MKNK2: variants seen among roughly 807,000 people sequenced by gnomAD.
MKNK2 encodes the protein MAP kinase-interacting serine/threonine-protein kinase 2.
A neutral mutation model predicts 55.0 loss-of-function variants in MKNK2; 54 were observed. The observed-to-expected ratio is 0.98, with a 90% CI of 0.79 to 1.23. The LOEUF (loss-of-function observed/expected upper bound fraction) is 1.23. Among genes scored for constraint, MKNK2 ranks in the 50% most tolerant of loss-of-function variants. MKNK2 has a pLI of 0.00. For missense variants in MKNK2, 685 were observed against 632.1 expected (o/e 1.08, Z -0.90); for synonymous variants, 323 against 256.0 (o/e 1.26, Z -2.50).
rs533287196 is a variant in MKNK2 at position 2,038,908 on chromosome 19, G to A, written c.*705C>T. On this transcript the variant is annotated 3_prime_UTR_variant, in exon 14 of 14. Coordinates refer to ENST00000250896, the MANE Select transcript of MKNK2 (RefSeq NM_199054.3). ...GCTGCAGTTTAAGGTCAAGGTCGGAGGCCGAATCTGGCCACCAGGAGTCCT... is the reference window on the plus strand; with the variant it reads ...GCTGCAGTTTAAGGTCAAGGTCGGAAGCCGAATCTGGCCACCAGGAGTCCT... The A allele has an allele frequency of 2.0e-6, 2 of 985,604 alleles. No individual in the cohort carries two copies. The highest frequency in any genetic ancestry group is 9.4e-5 in the South Asian group (2 of 21,294). 61.1% of individuals were successfully genotyped at this position (985,604 alleles called of 1,614,324 possible). A position where few individuals can be genotyped will look rare whatever the true frequency, so the allele number is the denominator to read the frequency against.
intron 5 of MKNK2, 147 bp from the exon 6 acceptor site, chr19:2,043,729 A>G (rs2016941901): frequency 1.3e-6 from 1 of 750,784 alleles, no homozygotes; most frequent in African/African-American, 1.7e-5. Context: ...TCATCCCAGC[A>G]CTTTGGGAGG....
At chr19:2,041,790 G>A in intron 11 of MKNK2, 50 bp downstream of exon 11, 2 of 1,442,164 alleles carry the variant, frequency 1.4e-6, no homozygotes. Flanking sequence ...TTCAGGGCAG[G>A]CCCGGGGGAG....
At chr19:2,050,613 C>T (rs773202379) in intron 2 of MKNK2, among the ~76,000 whole-genome samples, 188 bp downstream of exon 2, 2 of 152,180 alleles carry the variant, frequency 1.3e-5, no homozygotes, top group Non-Finnish European at 2.9e-5. Flanking sequence ...AGGACTGTGG[C>T]CTGCTGAACC....
At chr19:2,042,273 C>G in intron 10 of MKNK2, 154 bp downstream of exon 10, 2 of 795,498 alleles carry the variant, frequency 2.5e-6, no homozygotes, top group South Asian at 1.8e-5. Flanking sequence ...CTGCTCGAGG[C>G]CCCGCCGCGA....
At position 2,046,404 on chromosome 19, in the gene MKNK2, G is replaced by T. The variant is rs34916924; in HGVS notation, c.204C>A (p.Arg68=). ...DAKKRGKKKK[R]GRATDSFSGR... ...CCGAGAAGCTGTCGGTGGCCCGGCC[G>T]CGCTTCTTCTTCTTGCCCCTCTTCT... Residue 68 remains arginine (R), a synonymous_variant, in exon 4 of 14, where the codon CGC becomes CGA. Transcript: ENST00000250896. 8 of 1,608,822 alleles carry T rather than the reference G, an allele frequency of 5.0e-6. No individual in the cohort carries two copies. Among genetic ancestry groups the T allele is most frequent in the Non-Finnish European group, 5.9e-6 (7 of 1,179,830 alleles).
At position 2,046,676 on chromosome 19, in the gene MKNK2, C is replaced by T. The variant is rs776453612; in HGVS notation, c.67G>A (p.Glu23Lys). 3.3e-6 allele frequency: 5 copies of T among 1,533,798 alleles called. No individual in the cohort carries two copies. The highest frequency in any genetic ancestry group is 2.4e-5 in the East Asian group (1 of 42,352). ...GGCTGGTCTAGGGAGAAGGCCAGCTCGAAGGGGTTCTGCCCCTGCAGGGGA... is the reference window on the plus strand; with the variant it reads ...GGCTGGTCTAGGGAGAAGGCCAGCTTGAAGGGGTTCTGCCCCTGCAGGGGA... ...HRSFKGQNPFELAFSLDQPDH... is the reference protein window; with the variant it reads ...HRSFKGQNPFKLAFSLDQPDH... Residue 23 changes from glutamate to lysine, a missense_variant, in exon 3 of 14, where the codon GAG becomes AAG. By Grantham distance (56) the Glu-to-Lys change is moderately conservative. Coordinates refer to ENST00000250896, the MANE Select transcript of MKNK2 (RefSeq NM_199054.3).
In MKNK2 at chr19:2,037,994, G is replaced by A. The variant is rs975910338; in HGVS notation, c.*1619C>T. 134 of 1,370,120 alleles carry A rather than the reference G, an allele frequency of 9.8e-5. 1 individual carries two copies. In the East Asian group the frequency reaches 1.1e-3, roughly 11 times the overall value. 84.9% of individuals were successfully genotyped at this position (1,370,120 alleles called of 1,614,324 possible). On this transcript the variant is annotated 3_prime_UTR_variant, in exon 14 of 14. Transcript: ENST00000250896. Reference sequence around the variant, plus strand: ...ACGAAACATGGAATCACTGACAGGCGAGAAGTGATGGGGGAAAGGGGTGGG... The same window carrying A: ...ACGAAACATGGAATCACTGACAGGCAAGAAGTGATGGGGGAAAGGGGTGGG...
intron 9 of MKNK2, 33 bp from the exon 10 acceptor site, chr19:2,042,555 G>A (rs774514246): frequency 1.3e-6 from 2 of 1,577,740 alleles, no homozygotes. Context: ...TGAGCCTGGG[G>A]TCCCACGCGG....
chr19:2,038,578 G>C lies in MKNK2; in HGVS notation c.*1035C>G. ...GTGGCAGACCAAAAACACTGCCCTG[G>C]GGGTGAGGATTCGGCCAGACCCCGG... is the stretch of plus-strand genomic sequence containing the variant. On this transcript the variant is annotated 3_prime_UTR_variant, in exon 14 of 14. Coordinates refer to ENST00000250896, the MANE Select transcript of MKNK2 (RefSeq NM_199054.3). 1.0e-6 allele frequency: 1 copy of C among 985,522 alleles called. No homozygotes were observed. Among genetic ancestry groups the C allele is most frequent in the African/African-American group, 1.7e-5 (1 of 57,314 alleles). The allele number at this position is 985,522 out of a possible 1,614,324, so 61.0% of individuals were successfully genotyped here. A position where few individuals can be genotyped will look rare whatever the true frequency, so the allele number is the denominator to read the frequency against.
intron 1 of MKNK2, 66 bp downstream of exon 1, chr19:2,051,030 C>T: frequency 2.7e-6 from 1 of 374,792 alleles, no homozygotes; most frequent in Non-Finnish European, 4.7e-6. Flanking sequence ...GCGGCGAGGG[C>T]TCCGCGGGGC....
chr19:2,042,431 G>C lies in MKNK2; in HGVS notation c.746C>G (p.Thr249Ser). 1 of 1,575,936 alleles carries C rather than the reference G, an allele frequency of 6.3e-7. No individual in the cohort carries two copies. Among genetic ancestry groups the C allele is most frequent in the South Asian group, 1.2e-5 (1 of 85,706 alleles). Reference sequence around the variant, plus strand: ...GCCCTCCCCGCGGGCCCTCACCGGAGTGAGCAGCTCCGGGGTGGAGATAGG... The same window carrying C: ...GCCCTCCCCGCGGGCCCTCACCGGACTGAGCAGCTCCGGGGTGGAGATAGG... ...CSPISTPELL[T>S]PCGSAEYMAP... The change falls in exon 10 of 14, where the codon ACT becomes AGT. Residue 249 changes from threonine (T) to serine (S), a missense_variant. Coordinates refer to ENST00000250896, the MANE Select transcript of MKNK2 (RefSeq NM_199054.3).
In MKNK2 at chr19:2,039,860, G is replaced by C. The variant is rs2016837781; in HGVS notation, c.1155-4C>G. 2 of 1,589,032 alleles carry C rather than the reference G, an allele frequency of 1.3e-6. No individual in the cohort carries two copies. The highest frequency in any genetic ancestry group is 2.7e-5 in the African/African-American group (2 of 74,704). On this transcript the variant is annotated splice_region_variant and splice_polypyrimidine_tract_variant and intron_variant, in intron 13 of 13. Coordinates refer to ENST00000250896, the MANE Select transcript of MKNK2 (RefSeq NM_199054.3). Reference sequence around the variant, plus strand: ...GAGGTCTTTGGCACAGCTGTTCCTGGGAAACGGGGTGGGGGTAGGTGGTCA... The same window carrying C: ...GAGGTCTTTGGCACAGCTGTTCCTGCGAAACGGGGTGGGGGTAGGTGGTCA...
At position 2,042,780 on chromosome 19, in the gene MKNK2, A is replaced by C; in HGVS notation, c.584T>G (p.Phe195Cys). 1.3e-6 allele frequency: 2 copies of C among 1,577,982 alleles called. No individual in the cohort carries two copies. Among genetic ancestry groups the C allele is most frequent in the Non-Finnish European group, 1.7e-6 (2 of 1,160,432 alleles). ...TCACCACCTACCTTTGTTATGCAGA[A>C]AGTCCAAGGCGCTGGCCACGTCCTG... ...VVQDVASALD[F>C]LHNKGIAHRD... Residue 195 changes from phenylalanine (F) to cysteine (C), a missense_variant, in exon 8 of 14, where the codon TTT becomes TGT. By Grantham distance (205) the Phe-to-Cys change is radical. Coordinates refer to ENST00000250896, the MANE Select transcript of MKNK2 (RefSeq NM_199054.3).
intron 7 of MKNK2, 51 bp downstream of exon 7, chr19:2,043,073 C>G (rs201822709): frequency 6.6e-7 from 1 of 1,518,736 alleles, no homozygotes; most frequent in Non-Finnish European, 9.1e-7. Context: ...GCCCCCATCC[C>G]GTAATACCTC....
Position 2,039,164 on chromosome 19 carries a change from C to G in MKNK2, c.*449G>C, listed in dbSNP as rs562146570. 6.0e-6 allele frequency: 6 copies of G among 999,538 alleles called. No individual in the cohort carries two copies. The African/African-American group carries it at 1.0e-4, about 17-fold the overall frequency. 61.9% of individuals were successfully genotyped at this position (999,538 alleles called of 1,614,324 possible). ...GAGCCTGTCCCTGAAATACTGCGGG[C>G]TGGGAGGGAACACGAGGGCAGGGTC... On this transcript the variant is annotated 3_prime_UTR_variant, in exon 14 of 14. Coordinates refer to ENST00000250896, the MANE Select transcript of MKNK2 (RefSeq NM_199054.3).
intron 5 of MKNK2, among the ~76,000 whole-genome samples, chr19:2,045,374 G>A (rs1036491543): frequency 3.9e-5 from 6 of 152,160 alleles, no homozygotes; most frequent in Non-Finnish European, 7.4e-5. Flanking sequence ...AAGTGCTTCC[G>A]GAGGGGCCTA....
rs954086644 is a variant in MKNK2 at position 2,040,643 on chromosome 19, G to A, written c.1110+397C>T. On this transcript the variant is annotated intron_variant, in intron 12 of 13. Coordinates refer to ENST00000250896, the MANE Select transcript of MKNK2 (RefSeq NM_199054.3). ...TCAGCTCAGATGACCTCTGGCAGGA[G>A]AAACACCCGACTCCTCCTCGACTGG... is the stretch of plus-strand genomic sequence containing the variant. The A allele has an allele frequency of 4.8e-5, 14 of 291,936 alleles. No individual in the cohort carries two copies. In the East Asian group the frequency reaches 9.1e-4, roughly 19 times the overall value. 18.1% of individuals were successfully genotyped at this position (291,936 alleles called of 1,614,324 possible).
At chr19:2,049,697 G>A (rs915379717) in intron 2 of MKNK2, among the ~76,000 whole-genome samples, 4 of 152,190 alleles carry the variant, frequency 2.6e-5, no homozygotes, top group Non-Finnish European at 4.4e-5. Context: ...GCCCTAGGAG[G>A]GAGAAGACCA....
At position 2,041,879 on chromosome 19, in the gene MKNK2, G is replaced by A. The variant is rs2016892316; in HGVS notation, c.906C>T (p.Asp302=). 1 of 1,542,308 alleles carries A rather than the reference G, an allele frequency of 6.5e-7. No homozygotes were observed. Among genetic ancestry groups the A allele is most frequent in the South Asian group, 1.2e-5 (1 of 83,640 alleles). The change falls in exon 11 of 14, where the codon GAC becomes GAT. Residue 302 remains aspartate, a synonymous_variant. Coordinates refer to ENST00000250896, the MANE Select transcript of MKNK2 (RefSeq NM_199054.3). ...AGGCCTCGCCGCGGTCCCAGCCGCA[G>A]TCGCTGCCACAGCGGCCCACGAAGG... is the stretch of plus-strand genomic sequence containing the variant. The part of the protein sequence containing the change: ...YPPFVGRCGS[D]CGWDRGEACP...
Sources: allele counts gnomAD v4.1 joint callset (sites outside exome capture counted in the v4.1 genomes callset), GRCh38; gene constraint gnomAD v4.1.1; transcripts MANE v1.5; gene names NCBI Gene and HGNC (gene_info 2026-07-23, HGNC 2026-07-21).